Variants in NT5DC4 observed in about 807,000 individuals in gnomAD.
The protein encoded by NT5DC4 is 5'-nucleotidase domain containing 4.
Under a neutral mutation model 26.6 loss-of-function variants are expected in NT5DC4, and 44 were observed. The ratio of observed to expected loss-of-function variants is 1.65; its 90% CI spans 1.30 to 2.13. NT5DC4 has a LOEUF of 2.13. Among genes scored for constraint, NT5DC4 ranks in the 30% most tolerant of loss-of-function variants. The pLI, the probability that NT5DC4 is intolerant of heterozygous loss-of-function variation, is 0.00. For missense variants in NT5DC4, 399 were observed against 228.1 expected, an observed-to-expected ratio of 1.75 and a Z score of -4.83; for synonymous variants, 157 against 86.7, an observed-to-expected ratio of 1.81 and a Z score of -4.51.
chr2:112,722,846 C>A (rs918383146), intron 6 of NT5DC4, 75 bp downstream of exon 6: 3 of 623,224 alleles, frequency 4.8e-6, no homozygotes, highest in Admixed American at 4.5e-5. Context: ...AAAGAGGGGC[C>A]CCCCAAGGGC....
chr2:112,726,647 C>A (rs1677761626), intron 14 of NT5DC4, 31 bp from the exon 15 acceptor site: 1 of 717,344 alleles, frequency 1.4e-6, no homozygotes, highest in African/African-American at 1.7e-5. Flanking sequence ...CTCTGTGCCT[C>A]CCCTGGGTCA....
intron 16 of NT5DC4, chr2:112,737,693 T>TA (rs1353011562): frequency 6.6e-6 from 1 of 152,130 alleles, no homozygotes; most frequent in Non-Finnish European, 1.5e-5. Context: ...CTGCTTCCCT[T>TA]AAAAAAATCT....
intron 16 of NT5DC4, chr2:112,737,746 C>G (rs765436578): frequency 3.9e-5 from 6 of 152,134 alleles, no homozygotes; most frequent in Non-Finnish European, 7.4e-5. Flanking sequence ...AAAGTCCATT[C>G]TCCTTGGTAA....
At chr2:112,719,976 TTC>T (rs551904611), upstream of NT5DC4, among the ~76,000 whole-genome samples, 160 of 126,298 alleles carry the variant, frequency 1.3e-3, 2 homozygotes, top group African/African-American at 3.5e-3. Flanking sequence ...CTTTCTTTCT[TTC>T]TTTCTTTCTT....
At position 112,738,951 on chromosome 2, in the gene NT5DC4, G is replaced by A; in HGVS notation, c.*15G>A. 1 of 1,614,166 alleles carries A rather than the reference G, an allele frequency of 6.2e-7. No homozygotes were observed. Among genetic ancestry groups the A allele is most frequent in the Non-Finnish European group, 8.5e-7 (1 of 1,180,004 alleles). Reference sequence around the variant, plus strand: ...GCCACTACTAAATCGTGTTCCTGCAGCATTTCTGGGTAGCGGGACACTGCT... The same window carrying A: ...GCCACTACTAAATCGTGTTCCTGCAACATTTCTGGGTAGCGGGACACTGCT... On this transcript the variant is annotated 3_prime_UTR_variant, in exon 17 of 17. Coordinates refer to ENST00000688554, the MANE Select transcript of NT5DC4 (RefSeq NM_001393655.1).
chr2:112,719,359 A>G (rs780887452), upstream of NT5DC4, among the ~76,000 whole-genome samples: 1 of 151,594 alleles, frequency 6.6e-6, no homozygotes, highest in Non-Finnish European at 1.5e-5. Flanking sequence ...GAGCTCTTCC[A>G]TGGATATGTT....
At chr2:112,741,155 G>A, downstream of NT5DC4, 1 of 647,212 alleles carries the variant, frequency 1.5e-6, no homozygotes, top group East Asian at 2.7e-5. Context: ...TTTGAAGTGT[G>A]ACTTATAACT....
rs1381608488 is a variant in NT5DC4, at chr2:112,725,482, T to C, written c.1083T>C (p.Arg361=). 1.4e-6 allele frequency: 1 copy of C among 717,064 alleles called. No individual in the cohort carries two copies. The allele number at this position is 717,064 out of a possible 1,614,324, so 44.4% of individuals were successfully genotyped here. A position where few individuals can be genotyped will look rare whatever the true frequency, so the allele number is the denominator to read the frequency against. ...GGGACATTCTCAAGTCCAAGAAGCG[T>C]CAGGGCTGGCGGACTTGCCTGGTGG... ...IFGDILKSKK[R]QGWRTCLVVP... Residue 361 remains arginine, a synonymous_variant, in exon 13 of 17, where the codon CGT becomes CGC. Coordinates refer to ENST00000688554, the MANE Select transcript of NT5DC4 (RefSeq NM_001393655.1).
chr2:112,723,416 A>C lies in NT5DC4; in HGVS notation c.622-2A>C. The C allele has an allele frequency of 1.4e-6, 1 of 693,736 alleles. No homozygotes were observed. The highest frequency in any genetic ancestry group is 1.5e-5 in the South Asian group (1 of 66,710). The allele number at this position is 693,736 out of a possible 1,614,324, so 43.0% of individuals were successfully genotyped here. A position where few individuals can be genotyped will look rare whatever the true frequency, so the allele number is the denominator to read the frequency against. On this transcript the variant is annotated splice_acceptor_variant, in intron 7 of 16. Coordinates refer to ENST00000688554, the MANE Select transcript of NT5DC4 (RefSeq NM_001393655.1). LOFTEE classifies it high-confidence loss of function. ...ACACAGGCACTTTGCTCCCTCCTGC[A>C]GGGCTGTCTCAAGAAGACCCTGGAG...
upstream of NT5DC4, among the ~76,000 whole-genome samples, chr2:112,719,357 C>T (rs1444889934): frequency 2.0e-5 from 3 of 152,126 alleles, no homozygotes; most frequent in African/African-American, 7.2e-5. Context: ...AGGAGCTCTT[C>T]CATGGATATG....
rs1340334350 is a variant in NT5DC4 at position 112,725,209 on chromosome 2, G to A, written c.951G>A (p.Gly317=). Residue 317 remains glycine (G), a synonymous_variant, in exon 12 of 17, where the codon GGG becomes GGA. Transcript: ENST00000688554. Reference sequence around the variant, plus strand: ...AGCTCCACGTGGGCACCTACACAGGGCCCCACCAGCACTGTGCTGTCTACT... The same window carrying A: ...AGCTCCACGTGGGCACCTACACAGGACCCCACCAGCACTGTGCTGTCTACT... ...SGKLHVGTYT[G]PHQHCAVYSG... is the part of the protein sequence containing the mutation. 2 of 715,978 alleles carry A rather than the reference G, an allele frequency of 2.8e-6. No individual in the cohort carries two copies. Among genetic ancestry groups the A allele is most frequent in the Non-Finnish European group, 2.6e-6 (1 of 384,094 alleles). The allele number at this position is 715,978 out of a possible 1,614,324, so 44.4% of individuals were successfully genotyped here. A position where few individuals can be genotyped will look rare whatever the true frequency, so the allele number is the denominator to read the frequency against.
chr2:112,726,811 CTGTCGGCTT>C (rs1457937467), intron 15 of NT5DC4, 73 bp downstream of exon 15: 7 of 715,504 alleles, frequency 9.8e-6, no homozygotes, highest in Non-Finnish European at 1.6e-5. Context: ...CACTGCTTGC[CTGTCGGCTT>C]TGTCCTCGGT....
chr2:112,728,049 G>T (rs1677980336), intron 15 of NT5DC4, among the ~76,000 whole-genome samples: 1 of 152,220 alleles, frequency 6.6e-6, no homozygotes, highest in Non-Finnish European at 1.5e-5. Flanking sequence ...CCCCAGCCTT[G>T]CTAGGAGCTT....
At chr2:112,728,702 CT>C (rs1209474143) in intron 15 of NT5DC4, among the ~76,000 whole-genome samples, 3 of 152,188 alleles carry the variant, frequency 2.0e-5, no homozygotes, top group Admixed American at 6.5e-5. Flanking sequence ...GGGCTGGGTG[CT>C]TTTCATCGAT....
intron 11 of NT5DC4, 67 bp from the exon 12 acceptor site, chr2:112,725,107 G>A (rs867738140): frequency 3.0e-6 from 2 of 677,688 alleles, no homozygotes; most frequent in African/African-American, 1.8e-5. Context: ...AGCTCCCTGC[G>A]ACCCTCCCTA....
chr2:112,742,568 T>C (rs1000390570), downstream of NT5DC4: 8 of 713,810 alleles, frequency 1.1e-5, no homozygotes, highest in East Asian at 2.2e-4. Flanking sequence ...TGACAATGGC[T>C]GAAAGGGCCA....
At chr2:112,739,095 AT>A, downstream of NT5DC4, 1 of 1,371,206 alleles carries the variant, frequency 7.3e-7, no homozygotes. Context: ...ATTTAAAAAA[AT>A]TATCTTTATT....
chr2:112,739,138 G>A (rs1679659356), downstream of NT5DC4: 24 of 1,013,626 alleles, frequency 2.4e-5, no homozygotes, highest in South Asian at 3.5e-4. Context: ...AATAAAACAG[G>A]GAAGACATTT....
chr2:112,742,597 G>A (rs1680047013), downstream of NT5DC4: 1 of 785,860 alleles, frequency 1.3e-6, no homozygotes, highest in Non-Finnish European at 2.2e-6. Context: ...AAACCAAGAA[G>A]TGAGAAGCAT....
Sources: allele counts gnomAD v4.1 joint callset (sites outside exome capture counted in the v4.1 genomes callset), GRCh38; gene constraint gnomAD v4.1.1; transcripts MANE v1.5; gene names NCBI Gene and HGNC (gene_info 2026-07-23, HGNC 2026-07-21).